Variants in PRKACB observed in about 807,000 individuals in gnomAD.
PRKACB encodes protein kinase cAMP-activated catalytic subunit beta.
In PRKACB, 16 loss-of-function variants were observed where a neutral mutation model predicts 51.4. That is an observed-to-expected ratio of 0.31 (90% confidence interval 0.21 to 0.47). The LOEUF (loss-of-function observed/expected upper bound fraction) is 0.47, where lower values mean the gene tolerates loss of function less well. Among genes scored for constraint, PRKACB ranks in the 20% least tolerant of loss-of-function variants. The pLI, the probability that PRKACB is intolerant of heterozygous loss-of-function variation, is 1.00. For synonymous variants in PRKACB, 147 were observed against 154.4 expected, an observed-to-expected ratio of 0.95 and a Z score of 0.35; for missense variants, 309 against 464.5, an observed-to-expected ratio of 0.67 and a Z score of 3.08.
intron 1 of PRKACB, among the ~76,000 whole-genome samples, chr1:84,097,911 CT>C (rs1164366524): frequency 6.6e-6 from 1 of 152,100 alleles, no homozygotes. Context: ...TTTATTCAGC[CT>C]GCTGATTCAA....
intron 1 of PRKACB, among the ~76,000 whole-genome samples, chr1:84,107,823 G>A (rs1649903097): frequency 6.6e-6 from 1 of 152,018 alleles, no homozygotes; most frequent in Non-Finnish European, 1.5e-5. Flanking sequence ...TTATTAAAGA[G>A]TAAAAAAATA....
chr1:84,100,698 A>G (rs530272200), intron 1 of PRKACB, among the ~76,000 whole-genome samples: 1 of 152,308 alleles, frequency 6.6e-6, no homozygotes, highest in East Asian at 1.9e-4. Flanking sequence ...AGGACCTTAG[A>G]AGATCTATCT....
exon 1 of PRKACB, chr1:84,078,189 G>A (rs1647239545): frequency 1.1e-6 from 1 of 951,096 alleles, no homozygotes. Context: ...CTTCGCGCCC[G>A]GACTCCTGGC....
intron 3 of PRKACB, among the ~76,000 whole-genome samples, chr1:84,183,490 G>A (rs541112305): frequency 6.6e-6 from 1 of 151,530 alleles, no homozygotes; most frequent in Non-Finnish European, 1.5e-5. Context: ...ATTATAAAAT[G>A]AAAATTGTTC....
chr1:84,147,046 T>C (rs1467319946), intron 1 of PRKACB, among the ~76,000 whole-genome samples: 2 of 152,060 alleles, frequency 1.3e-5, no homozygotes, highest in Non-Finnish European at 2.9e-5. Flanking sequence ...TTATTATAGT[T>C]AGCTTTTTAA....
At position 84,222,726 on chromosome 1, in the gene PRKACB, G is replaced by A. The variant is rs576345318; in HGVS notation, c.1071+8409G>A. ...AATTCCCTCAGTTTTTGCTTATCTG[G>A]GAAAGACTTTTTTTCTCCTTCATTT... is the stretch of plus-strand genomic sequence containing the variant. On this transcript the variant is annotated intron_variant, in intron 9 of 9. Transcript: ENST00000370685. Among the ~76,000 whole-genome samples the A allele has an allele frequency of 5.4e-4, 82 of 152,248 alleles. 1 individual carries two copies. In the South Asian group the frequency reaches 0.017, roughly 31 times the overall value.
chr1:84,185,333 C>A, intron 5 of PRKACB, 151 bp downstream of exon 5: 1 of 467,472 alleles, frequency 2.1e-6, no homozygotes, highest in Non-Finnish European at 3.7e-6. Flanking sequence ...CCACATCATA[C>A]ACAAGTTTTA....
intron 1 of PRKACB, among the ~76,000 whole-genome samples, chr1:84,105,786 C>G (rs1267163192): frequency 6.6e-6 from 1 of 152,092 alleles, no homozygotes; most frequent in East Asian, 1.9e-4. Context: ...ACGTATTGGT[C>G]AGGCTGATCT....
chr1:84,174,650 C>T (rs1043387880), intron 1 of PRKACB, among the ~76,000 whole-genome samples: 1 of 151,818 alleles, frequency 6.6e-6, no homozygotes, highest in African/African-American at 2.4e-5. Context: ...TGTTATAATG[C>T]GTAATGTCTT....
intron 1 of PRKACB, among the ~76,000 whole-genome samples, chr1:84,162,336 A>C (rs1485145112): frequency 6.6e-6 from 1 of 151,894 alleles, no homozygotes; most frequent in African/African-American, 2.4e-5. Context: ...TTTTCCATCA[A>C]ATTGGGACAT....
intron 5 of PRKACB, among the ~76,000 whole-genome samples, chr1:84,189,917 A>T (rs943993651): frequency 1.3e-5 from 2 of 151,908 alleles, no homozygotes; most frequent in African/African-American, 4.8e-5. Flanking sequence ...TTTTTAGAAA[A>T]ATATGTAAAC....
intron 1 of PRKACB, chr1:84,165,096 T>TA: frequency 8.9e-7 from 1 of 1,118,582 alleles, no homozygotes; most frequent in Non-Finnish European, 1.3e-6. Context: ...AAGGGACAGT[T>TA]ATAAAGCCAC....
intron 9 of PRKACB, among the ~76,000 whole-genome samples, chr1:84,221,829 G>T (rs1236988626): frequency 6.6e-6 from 1 of 152,044 alleles, no homozygotes; most frequent in East Asian, 1.9e-4. Context: ...GTTGAGACTT[G>T]TTTTGTGGCC....
At chr1:84,163,207 T>C (rs1656463781) in intron 1 of PRKACB, among the ~76,000 whole-genome samples, 1 of 152,008 alleles carries the variant, frequency 6.6e-6, no homozygotes, top group South Asian at 2.1e-4. Context: ...TTCGGAAGTC[T>C]GTACCAGCTT....
chr1:84,125,262 C>G (rs905210787), intron 1 of PRKACB, among the ~76,000 whole-genome samples: 2 of 152,186 alleles, frequency 1.3e-5, no homozygotes, highest in African/African-American at 4.8e-5. Flanking sequence ...AGCCCTCTCT[C>G]TGGTGCTTCT....
At chr1:84,196,841 A>G in intron 6 of PRKACB, 99 bp downstream of exon 6, 1 of 1,269,322 alleles carries the variant, frequency 7.9e-7, no homozygotes. Context: ...TGAAGAAGAC[A>G]CTTTCTCCTA....
chr1:84,228,439 CCTCACAGTGTTGTA>C (rs1675006297), intron 9 of PRKACB, among the ~76,000 whole-genome samples: 1 of 152,078 alleles, frequency 6.6e-6, no homozygotes, highest in Non-Finnish European at 1.5e-5. Context: ...GTCCTTCCTT[CCTCACAGTGTTGTA>C]CTGAGAACAG....
At chr1:84,101,886 C>A (rs1343869084) in intron 1 of PRKACB, among the ~76,000 whole-genome samples, 1 of 152,062 alleles carries the variant, frequency 6.6e-6, no homozygotes, top group Non-Finnish European at 1.5e-5. Flanking sequence ...TTAGAGAATT[C>A]TCTAGATTCC....
rs17131308 is a variant in PRKACB, at chr1:84,236,791, C to T, written c.*1486C>T. On this transcript the variant is annotated 3_prime_UTR_variant, in exon 10 of 10. Transcript: ENST00000370685. Reference sequence around the variant, plus strand: ...TATTTTTTTCTTTGCTTTTAATTTTCCCCATCTGATTTTATCTCTGCGTTT... The same window carrying T: ...TATTTTTTTCTTTGCTTTTAATTTTTCCCATCTGATTTTATCTCTGCGTTT... The T allele has an allele frequency of 0.087, 13,326 of 152,466 alleles. 697 individuals carry two copies. The highest frequency in any genetic ancestry group is 0.14 in the African/African-American group (5,811 of 41,498). 9.4% of individuals were successfully genotyped at this position (152,466 alleles called of 1,614,324 possible).
Sources: gnomAD v4.1 joint callset for allele counts (sites outside exome capture counted in the v4.1 genomes callset) on GRCh38, gnomAD v4.1.1 for gene constraint, MANE v1.5 for transcripts, NCBI Gene and HGNC (gene_info 2026-07-23, HGNC 2026-07-21) for gene names.